The following SLC16A3 variants were observed in gnomAD, a reference collection of about 807,000 sequenced individuals.
The protein encoded by SLC16A3 is solute carrier family 16 member 3, also known as monocarboxylate transporter 4.
In SLC16A3, 22 loss-of-function variants were observed where a neutral mutation model predicts 25.0. The ratio of observed to expected loss-of-function variants is 0.88; its 90% CI spans 0.63 to 1.26. The LOEUF (loss-of-function observed/expected upper bound fraction) is 1.26. SLC16A3 is among the 50% of genes most tolerant of loss of function. The pLI is 0.00. For missense variants in SLC16A3, 731 were observed against 666.6 expected (o/e 1.10, Z -1.06); for synonymous variants, 390 against 309.2 (o/e 1.26, Z -2.74).
At chr17:82,235,738 C>T (rs993529188) in intron 1 of SLC16A3, 3 of 548,754 alleles carry the variant, frequency 5.5e-6, no homozygotes, top group African/African-American at 1.9e-5. Context: ...AAAAAAGCCA[C>T]TGCCCTTTAG....
Position 82,237,488 on chromosome 17 carries a change from C to T in SLC16A3, c.718C>T (p.Leu240=), listed in dbSNP as rs2050635975. The T allele has an allele frequency of 6.2e-7, 1 of 1,610,616 alleles. No homozygotes were observed. Among genetic ancestry groups the T allele is most frequent in the African/African-American group, 1.3e-5 (1 of 74,922 alleles). Residue 240 remains leucine, a synonymous_variant, in exon 4 of 5, where the codon CTG becomes TTG. Coordinates refer to ENST00000582743, the MANE Select transcript of SLC16A3 (RefSeq NM_004207.4). The part of the protein sequence containing the change: ...LYAVAASVMV[L]GLFVPPVFVV... ...CGCCGTGGCCGCCTCGGTCATGGTGCTGGGGCTCTTCGTCCCGCCCGTGTT... is the reference window on the plus strand; with the variant it reads ...CGCCGTGGCCGCCTCGGTCATGGTGTTGGGGCTCTTCGTCCCGCCCGTGTT...
At chr17:82,227,194 C>T (rs1278784745), upstream of SLC16A3, among the ~76,000 whole-genome samples, 1 of 152,174 alleles carries the variant, frequency 6.6e-6, no homozygotes, top group East Asian at 1.9e-4. Context: ...TGGGCGTCTT[C>T]CCAGCTGGGA....
At chr17:82,238,566 C>T (rs1018440020) in intron 4 of SLC16A3, 136 bp from the exon 5 acceptor site, 34 of 841,710 alleles carry the variant, frequency 4.0e-5, no homozygotes, top group Non-Finnish European at 5.4e-5. Flanking sequence ...GGAGAGAACA[C>T]CTCCCAGCCC....
upstream of SLC16A3, chr17:82,228,307 G>T (rs1371644633): frequency 6.6e-6 from 1 of 152,304 alleles, no homozygotes; most frequent in Non-Finnish European, 1.5e-5. Flanking sequence ...GGTGGGAGCC[G>T]CCCCGGCCTC....
chr17:82,229,520 C>T (rs1199862838), intron 1 of SLC16A3: 2 of 152,414 alleles, frequency 1.3e-5, no homozygotes, highest in Non-Finnish European at 1.5e-5. Context: ...TATGGGTGGC[C>T]TCCCCGAGGG....
rs1299187150 is a variant in SLC16A3, at chr17:82,236,115, A to G, written c.107A>G (p.Tyr36Cys). The change falls in exon 2 of 5, where the codon TAC becomes TGC. Residue 36 changes from tyrosine (Y) to cysteine (C), a missense_variant. Physicochemically the swap from Tyr to Cys is radical, Grantham distance 194. Transcript: ENST00000582743. ...FGCFVITGFS[Y>C]AFPKAVSVFF... is the part of the protein sequence containing the mutation. ...TGTTTCGTCATCACTGGCTTCTCCT[A>G]CGCCTTCCCCAAGGCCGTCAGTGTC... 1.9e-6 allele frequency: 3 copies of G among 1,612,990 alleles called. No homozygotes were observed. Among genetic ancestry groups the G allele is most frequent in the South Asian group, 1.1e-5 (1 of 91,078 alleles).
chr17:82,234,198 A>T (rs1003101923), intron 1 of SLC16A3: 1 of 152,104 alleles, frequency 6.6e-6, no homozygotes, highest in African/African-American at 2.4e-5. Context: ...CATCTTAGGG[A>T]CCTTTTAAAC....
At chr17:82,233,041 A>T (rs1232769047) in intron 1 of SLC16A3, among the ~76,000 whole-genome samples, 4 of 151,982 alleles carry the variant, frequency 2.6e-5, no homozygotes, top group African/African-American at 9.7e-5. Flanking sequence ...TCCCTGGAAC[A>T]CCGGGCAGTC....
exon 1 of SLC16A3, among the ~76,000 whole-genome samples, chr17:82,218,183 TG>T (rs2050366789): frequency 6.6e-6 from 1 of 151,876 alleles, no homozygotes; most frequent in Non-Finnish European, 1.5e-5. Flanking sequence ...TGGGTAACCC[TG>T]GTGAGTGGAC....
intron 1 of SLC16A3, among the ~76,000 whole-genome samples, chr17:82,218,252 CTCGG>C (rs2050367700): frequency 7.7e-6 from 1 of 129,180 alleles, no homozygotes; most frequent in Admixed American, 7.6e-5. Context: ...GGAGCCCAGC[CTCGG>C]TCACTGGGGG....
At chr17:82,237,936 C>T (rs202062387) in intron 4 of SLC16A3, 43 bp downstream of exon 4, 3 of 1,576,232 alleles carry the variant, frequency 1.9e-6, no homozygotes, top group East Asian at 2.2e-5. Flanking sequence ...CCTGCCCTTC[C>T]CGTCAGACGC....
In SLC16A3 at chr17:82,237,386, C is replaced by T. The variant is rs967960190; in HGVS notation, c.616C>T (p.Pro206Ser). 3 of 1,546,188 alleles carry T rather than the reference C, an allele frequency of 1.9e-6. No individual in the cohort carries two copies. Among genetic ancestry groups the T allele is most frequent in the Non-Finnish European group, 2.6e-6 (3 of 1,144,280 alleles). ...LMRPLVVTAQ[P>S]GSGPPRPSRR... ...GAGGCCCCTGGTGGTCACGGCCCAG[C>T]CGGGCTCGGGGCCGCCGCGACCCTC... The change falls in exon 4 of 5, where the codon CCG (proline) becomes TCG (serine). Residue 206 changes from proline to serine, a missense_variant. Transcript: ENST00000582743.
rs2050699624 is a variant in SLC16A3, at chr17:82,239,149, C to T, written c.*173C>T. The T allele has an allele frequency of 1.3e-5, 8 of 616,502 alleles. No individual in the cohort carries two copies. The highest frequency in any genetic ancestry group is 4.5e-4 in the Middle Eastern group (1 of 2,216). The allele number at this position is 616,502 out of a possible 1,614,324, so 38.2% of individuals were successfully genotyped here. ...AGGGGGAAGGTGGCGGGGTGGGAAC[C>T]GTGTCATTCCAGAGTGGATCTGCGG... On this transcript the variant is annotated 3_prime_UTR_variant, in exon 5 of 5. Coordinates refer to ENST00000582743, the MANE Select transcript of SLC16A3 (RefSeq NM_004207.4).
intron 1 of SLC16A3, chr17:82,235,497 G>A (rs1026254066): frequency 1.1e-4 from 18 of 161,592 alleles, no homozygotes; most frequent in Admixed American, 4.2e-4. Context: ...AGCAAGGCAC[G>A]CTCCACCTAG....
upstream of SLC16A3, among the ~76,000 whole-genome samples, chr17:82,225,635 C>T (rs1349100226): frequency 1.3e-5 from 2 of 152,228 alleles, no homozygotes; most frequent in Admixed American, 1.3e-4. Flanking sequence ...CGTGACTCGG[C>T]TTTCTTCCCC....
chr17:82,235,649 G>C, intron 1 of SLC16A3: 3 of 376,820 alleles, frequency 8.0e-6, no homozygotes, highest in Non-Finnish European at 1.5e-5. Context: ...GAGCGAGCCA[G>C]GGCAGAAATG....
Position 82,237,902 on chromosome 17 carries a change from T to C in SLC16A3, c.1123+9T>C, listed in dbSNP as rs763196169. ...CGGGCCCCCTTCGGGAGGTGAGCGC[T>C]GCGCCCCCAGGCAGTTCCCCACACC... On this transcript the variant is annotated intron_variant, in intron 4 of 4. Coordinates refer to ENST00000582743, the MANE Select transcript of SLC16A3 (RefSeq NM_004207.4). 26 of 1,595,694 alleles carry C rather than the reference T, an allele frequency of 1.6e-5. No individual in the cohort carries two copies. In the East Asian group the frequency reaches 5.4e-4, roughly 33 times the overall value.
chr17:82,225,359 G>C (rs566794028), upstream of SLC16A3, among the ~76,000 whole-genome samples: 1 of 152,362 alleles, frequency 6.6e-6, no homozygotes, highest in South Asian at 2.1e-4. Context: ...CCTGGTCCTG[G>C]GTCTAGGCTC....
chr17:82,220,853 T>C (rs2050385042), intron 1 of SLC16A3, among the ~76,000 whole-genome samples: 1 of 152,142 alleles, frequency 6.6e-6, no homozygotes, highest in Admixed American at 6.6e-5. Context: ...AGAGTCTCAC[T>C]CTGTCACCCA....
Sources: allele counts gnomAD v4.1 joint callset (sites outside exome capture counted in the v4.1 genomes callset), GRCh38; gene constraint gnomAD v4.1.1; transcripts MANE v1.5; gene names NCBI Gene and HGNC (gene_info 2026-07-23, HGNC 2026-07-21).